The following TMEM14C variants were observed in gnomAD, a reference collection of about 807,000 sequenced individuals.
TMEM14C encodes the protein chromosome 6 open reading frame 53.
In TMEM14C, 13 loss-of-function variants were observed where a neutral mutation model predicts 14.8. The observed-to-expected ratio is 0.88, with a 90% confidence interval of 0.57 to 1.40. The LOEUF (loss-of-function observed/expected upper bound fraction) is 1.40, where lower values mean the gene tolerates loss of function less well. TMEM14C is among the 40% of genes most tolerant of loss of function. TMEM14C has a pLI of 0.00. For missense variants in TMEM14C, 142 were observed against 138.8 expected (o/e 1.02, Z -0.12); for synonymous variants, 57 against 51.3 (o/e 1.11, Z -0.48).
At chr6:10,729,188 A>G (rs1407571289) in intron 5 of TMEM14C, among the ~76,000 whole-genome samples, 10 of 152,106 alleles carry the variant, frequency 6.6e-5, no homozygotes, top group Admixed American at 5.2e-4. Flanking sequence ...ATGGAGTGCA[A>G]TGGCGTGATC....
At chr6:10,728,940 G>T in intron 5 of TMEM14C, 1 of 1,205,690 alleles carries the variant, frequency 8.3e-7, no homozygotes, top group Non-Finnish European at 1.1e-6. Context: ...AAATGGGTTT[G>T]TTCTCATATT....
At chr6:10,724,682 G>C in intron 2 of TMEM14C, 49 bp downstream of exon 2, 3 of 1,571,796 alleles carry the variant, frequency 1.9e-6, no homozygotes, top group Non-Finnish European at 2.6e-6. Context: ...CTGGAAACCA[G>C]AGTTCCTTTC....
intron 1 of TMEM14C, among the ~76,000 whole-genome samples, chr6:10,723,960 G>A (rs1387512726): frequency 6.6e-6 from 1 of 152,130 alleles, no homozygotes; most frequent in East Asian, 1.9e-4. Context: ...TGGCTCACTG[G>A]ACACAGGATA....
intron 2 of TMEM14C, 21 bp from the exon 3 acceptor site, chr6:10,724,940 T>C (rs1274947645): frequency 1.2e-6 from 2 of 1,614,204 alleles, no homozygotes; most frequent in Non-Finnish European, 1.7e-6. Context: ...TAGCACTGAC[T>C]TCTCCCTCTT....
intron 4 of TMEM14C, among the ~76,000 whole-genome samples, chr6:10,727,093 C>T (rs901330822): frequency 5.3e-5 from 8 of 152,180 alleles, no homozygotes; most frequent in Non-Finnish European, 1.2e-4. Context: ...CAGCAAATGA[C>T]CTCACGCCTA....
rs200432758 is a variant in TMEM14C at position 10,725,064 on chromosome 6, T to C, written c.97+27T>C. 168 of 1,612,856 alleles carry C rather than the reference T, an allele frequency of 1.0e-4. 2 individuals carry two copies. In the Admixed American group the frequency reaches 2.8e-3, roughly 27 times the overall value. On this transcript the variant is annotated intron_variant, in intron 3 of 5. Transcript: ENST00000229563. ...TAGGGTTTTGTTGTTACTTAGCCTC[T>C]TAACATCTTCACGTTGTCCCAGTGA... is the stretch of plus-strand genomic sequence containing the variant.
In TMEM14C at chr6:10,725,001, G is replaced by T. The variant is rs1770814096; in HGVS notation, c.61G>T (p.Val21Phe). The T allele has an allele frequency of 6.2e-7, 1 of 1,614,120 alleles. No individual in the cohort carries two copies. The highest frequency in any genetic ancestry group is 1.3e-5 in the African/African-American group (1 of 74,930). The change falls in exon 3 of 6, where the codon GTT becomes TTT. Residue 21 changes from valine (V) to phenylalanine (F), a missense_variant. Coordinates refer to ENST00000229563, the MANE Select transcript of TMEM14C (RefSeq NM_016462.4). ...GTTTGGCTTTGGCTACGCAGCACTG[G>T]TTGCTTCTGGTGGGATCATTGGCTA... ...HWFGFGYAAL[V>F]ASGGIIGYVK...
rs1001112884 is a variant in TMEM14C at position 10,730,518 on chromosome 6, C to T, written c.288-97C>T. ...ACTCTTGCCTTAGTACCTCCTCCCC[C>T]ACGCAGTTGTGAGGAACCAGCAGTT... On this transcript the variant is annotated intron_variant, in intron 5 of 5. Coordinates refer to ENST00000229563, the MANE Select transcript of TMEM14C (RefSeq NM_016462.4). The T allele has an allele frequency of 1.2e-5, 14 of 1,197,300 alleles. No homozygotes were observed. In the African/African-American group the frequency reaches 2.1e-4, roughly 18 times the overall value. 74.2% of individuals were successfully genotyped at this position (1,197,300 alleles called of 1,614,324 possible).
intron 1 of TMEM14C, among the ~76,000 whole-genome samples, chr6:10,724,263 A>C (rs994742317): frequency 3.9e-5 from 6 of 152,228 alleles, no homozygotes; most frequent in Non-Finnish European, 7.3e-5. Flanking sequence ...AATGACTAAC[A>C]CATTCCCTGA....
chr6:10,725,126 T>C (rs1042261352), intron 3 of TMEM14C, 89 bp downstream of exon 3: 1 of 1,525,098 alleles, frequency 6.6e-7, no homozygotes, highest in Non-Finnish European at 9.1e-7. Flanking sequence ...GCAATCTCAT[T>C]TGAGTCAGGT....
intron 4 of TMEM14C, among the ~76,000 whole-genome samples, chr6:10,726,412 GT>G (rs1228991406): frequency 6.6e-6 from 1 of 152,186 alleles, no homozygotes; most frequent in East Asian, 1.9e-4. Context: ...TTAGCTAAAT[GT>G]GACTGCAGTG....
At chr6:10,729,163 ACT>A (rs1770958863) in intron 5 of TMEM14C, among the ~76,000 whole-genome samples, 1 of 151,648 alleles carries the variant, frequency 6.6e-6, no homozygotes, top group African/African-American at 2.4e-5. Context: ...ACGGAGTATC[ACT>A]CTGTCACCCA....
At chr6:10,726,824 C>G (rs1320681043) in intron 4 of TMEM14C, among the ~76,000 whole-genome samples, 1 of 152,182 alleles carries the variant, frequency 6.6e-6, no homozygotes, top group Non-Finnish European at 1.5e-5. Context: ...TGGGGCTCCA[C>G]CCATGTGTCA....
At chr6:10,729,394 A>G (rs1011236385) in intron 5 of TMEM14C, among the ~76,000 whole-genome samples, 2 of 152,054 alleles carry the variant, frequency 1.3e-5, no homozygotes, top group African/African-American at 4.8e-5. Context: ...CGGCCTCCCA[A>G]AGTGCTGGGA....
At chr6:10,728,875 A>C (rs770715984) in intron 5 of TMEM14C, 148 bp downstream of exon 5, 7 of 1,511,562 alleles carry the variant, frequency 4.6e-6, no homozygotes, top group Non-Finnish European at 6.2e-6. Context: ...GAAATGTTTC[A>C]AAAACAATAG....
At chr6:10,725,757 G>A in intron 3 of TMEM14C, 150 bp from the exon 4 acceptor site, 1 of 895,158 alleles carries the variant, frequency 1.1e-6, no homozygotes, top group Non-Finnish European at 1.7e-6. Flanking sequence ...CACACTCTCT[G>A]TAACGTCTTC....
intron 4 of TMEM14C, among the ~76,000 whole-genome samples, chr6:10,727,576 GT>G (rs1212139908): frequency 2.6e-5 from 4 of 152,104 alleles, no homozygotes; most frequent in African/African-American, 9.7e-5. Context: ...CTGACTTCAG[GT>G]TTGGGAGGCC....
intron 3 of TMEM14C, 84 bp from the exon 4 acceptor site, chr6:10,725,823 C>T: frequency 6.4e-7 from 1 of 1,561,738 alleles, no homozygotes; most frequent in Non-Finnish European, 8.8e-7. Context: ...TGCTGTCCTC[C>T]TTTGTAGGGC....
rs146638335 is a variant in TMEM14C at position 10,725,916 on chromosome 6, C to T, written c.107C>T (p.Pro36Leu). 34 of 1,613,694 alleles carry T rather than the reference C, an allele frequency of 2.1e-5. No homozygotes were observed. The highest frequency in any genetic ancestry group is 1.8e-4 in the East Asian group (8 of 44,878). Residue 36 changes from proline (P) to leucine (L), a missense_variant, in exon 4 of 6, where the codon CCG becomes CTG. By Grantham distance (98) the Pro-to-Leu change is moderately conservative (BLOSUM62 -3). Coordinates refer to ENST00000229563, the MANE Select transcript of TMEM14C (RefSeq NM_016462.4). ...IIGYVKAGSV[P>L]SLAAGLLFGS... ...GTTTGCTTCCCTCTAGGCAGCGTGC[C>T]GTCCCTGGCTGCAGGGCTGCTCTTT...
Sources: gnomAD v4.1 joint callset for allele counts (sites outside exome capture counted in the v4.1 genomes callset) on GRCh38, gnomAD v4.1.1 for gene constraint, MANE v1.5 for transcripts, NCBI Gene and HGNC (gene_info 2026-07-23, HGNC 2026-07-21) for gene names.